Variants in TMCO4 observed in about 807,000 individuals in gnomAD.
TMCO4 encodes the protein transmembrane and coiled-coil domains 4.
A neutral mutation model predicts 64.7 loss-of-function variants in TMCO4; 58 were observed. The ratio of observed to expected loss-of-function variants is 0.90; its 90% confidence interval spans 0.73 to 1.12. TMCO4 has a LOEUF of 1.12. Ranked by LOEUF, TMCO4 falls within the 50% of genes most tolerant of loss-of-function variation. TMCO4 has a pLI of 0.00. For synonymous variants in TMCO4, 325 were observed against 346.1 expected, an observed-to-expected ratio of 0.94 and a Z score of 0.68; for missense variants, 780 against 825.9, an observed-to-expected ratio of 0.94 and a Z score of 0.68.
intron 14 of TMCO4, among the ~76,000 whole-genome samples, chr1:19,697,657 T>G (rs183058112): frequency 0.012 from 1,728 of 140,502 alleles, 16 homozygotes; most frequent in Non-Finnish European, 0.02. Flanking sequence ...GGAGTGCAGT[T>G]GCATGATCTT....
intron 6 of TMCO4, among the ~76,000 whole-genome samples, chr1:19,766,308 C>T (rs946074192): frequency 2.3e-4 from 35 of 152,332 alleles, no homozygotes; most frequent in African/African-American, 7.7e-4. Flanking sequence ...GGCCCATCCA[C>T]GACACCAACC....
chr1:19,728,467 T>A (rs1332208539), intron 13 of TMCO4, among the ~76,000 whole-genome samples: 1 of 152,216 alleles, frequency 6.6e-6, no homozygotes, highest in African/African-American at 2.4e-5. Flanking sequence ...GTCATTCCCA[T>A]TTACAGGCAG....
At chr1:19,746,298 C>T (rs113565438) in intron 9 of TMCO4, among the ~76,000 whole-genome samples, 158 bp downstream of exon 9, 14 of 152,326 alleles carry the variant, frequency 9.2e-5, no homozygotes, top group African/African-American at 7.2e-5. Context: ...CCCTGACCCA[C>T]GCGAGCTCTG....
chr1:19,735,993 C>T (rs553431555), intron 13 of TMCO4, among the ~76,000 whole-genome samples: 8 of 152,254 alleles, frequency 5.3e-5, no homozygotes, highest in African/African-American at 1.4e-4. Context: ...GCCAGATACA[C>T]GAATGAGGTC....
intron 3 of TMCO4, among the ~76,000 whole-genome samples, chr1:19,781,166 A>C (rs1052069012): frequency 1.3e-5 from 2 of 151,556 alleles, no homozygotes; most frequent in Non-Finnish European, 2.9e-5. Flanking sequence ...AAAAAAAAAA[A>C]AGATATTCCT....
intron 1 of TMCO4, chr1:19,799,031 G>A (rs973487451): frequency 6.7e-6 from 1 of 150,082 alleles, no homozygotes; most frequent in South Asian, 2.1e-4. Context: ...TGCAACCCCA[G>A]GGAAGGGCCA....
rs1048098053 is a variant in TMCO4 at position 19,734,358 on chromosome 1, A to G, written c.1264+3014T>C. ...GTTGCTGCCGTGTGAGTGTGTGCAG[A>G]TGCGTGTATGAATGTGTGCAGGTGT... On this transcript the variant is annotated intron_variant, in intron 13 of 15. Transcript: ENST00000294543. The surrounding 1 kb of genome is among the most constrained non-coding windows in gnomAD (Gnocchi z 4.4). 5.3e-5 allele frequency among the ~76,000 whole-genome samples: 8 copies of G among 152,072 alleles called. No homozygotes were observed. The highest frequency in any genetic ancestry group is 5.9e-5 in the Non-Finnish European group (4 of 68,012).
At chr1:19,715,597 T>G (rs1371105382) in intron 13 of TMCO4, among the ~76,000 whole-genome samples, 1 of 152,174 alleles carries the variant, frequency 6.6e-6, no homozygotes, top group Admixed American at 6.5e-5. Flanking sequence ...ACATGAAAAT[T>G]TCTCAGGATA....
rs1227829625 is a variant in TMCO4 at position 19,722,349 on chromosome 1, A to G, written c.1264+15023T>C. On this transcript the variant is annotated intron_variant, in intron 13 of 15. Coordinates refer to ENST00000294543, the MANE Select transcript of TMCO4 (RefSeq NM_181719.7). ...TGTTAAGTGCCCTTTACAGGAGTCAATGCTCTCAAGGCTGCAAGCCACCTA... is the reference window on the plus strand; with the variant it reads ...TGTTAAGTGCCCTTTACAGGAGTCAGTGCTCTCAAGGCTGCAAGCCACCTA... Among the ~76,000 whole-genome samples the G allele has an allele frequency of 3.3e-5, 5 of 152,216 alleles. No individual in the cohort carries two copies. The South Asian group carries it at 6.2e-4, about 19-fold the overall frequency.
intron 15 of TMCO4, among the ~76,000 whole-genome samples, chr1:19,685,981 C>T (rs923841993): frequency 3.3e-5 from 5 of 152,124 alleles, no homozygotes; most frequent in Admixed American, 2.6e-4. Context: ...CCCACCTCGG[C>T]CTCCCAAAGT....
At chr1:19,723,653 T>G (rs1386492278) in intron 13 of TMCO4, among the ~76,000 whole-genome samples, 2 of 152,250 alleles carry the variant, frequency 1.3e-5, no homozygotes, top group East Asian at 3.8e-4. Context: ...ACACCAATCA[T>G]CACTGCGTTT....
rs555674926 is a variant in TMCO4, at chr1:19,723,277, G to A, written c.1264+14095C>T. ...AAGTTTTGGAATCTGGAGCATTTTG[G>A]ATTTTGAATTTTTGGATTTGGGATG... On this transcript the variant is annotated intron_variant, in intron 13 of 15. Transcript: ENST00000294543. Among the ~76,000 whole-genome samples the A allele has an allele frequency of 8.5e-4, 129 of 152,288 alleles. 1 individual carries two copies. The highest frequency in any genetic ancestry group is 3.0e-3 in the African/African-American group (125 of 41,554).
In TMCO4 at chr1:19,745,568, T is replaced by C. The variant is rs1557554553; in HGVS notation, c.841A>G (p.Ile281Val). The C allele has an allele frequency of 6.2e-7, 1 of 1,614,080 alleles. No individual in the cohort carries two copies. The highest frequency in any genetic ancestry group is 2.2e-5 in the East Asian group (1 of 44,858). Reference sequence around the variant, plus strand: ...GAAGCGAGCCACCCCGTGACGGCGATGGTGATGTGCAGCTGCCTGCCCTCC... The same window carrying C: ...GAAGCGAGCCACCCCGTGACGGCGACGGTGATGTGCAGCTGCCTGCCCTCC... ...LTEGRQLHIT[I>V]AVTGWLASGK... Residue 281 changes from isoleucine (I) to valine (V), a missense_variant, in exon 10 of 16, where the codon ATC becomes GTC. Ile to Val is a conservative substitution (Grantham distance 29). Transcript: ENST00000294543.
At position 19,740,949 on chromosome 1, in the gene TMCO4, G is replaced by T; in HGVS notation, c.878-8C>A. The T allele has an allele frequency of 6.3e-7, 1 of 1,592,480 alleles. No homozygotes were observed. The highest frequency in any genetic ancestry group is 1.1e-5 in the South Asian group (1 of 88,364). On this transcript the variant is annotated splice_polypyrimidine_tract_variant and splice_region_variant and intron_variant, in intron 10 of 15. Coordinates refer to ENST00000294543, the MANE Select transcript of TMCO4 (RefSeq NM_181719.7). ...ACGGGGCACTGAAGGTGCCTGGGGA[G>T]ATCACAGGTAGGTGAAGTCTCTCTT...
chr1:19,688,873 C>T (rs1364507660), intron 15 of TMCO4, among the ~76,000 whole-genome samples: 12 of 152,330 alleles, frequency 7.9e-5, no homozygotes, highest in Admixed American at 7.2e-4. Context: ...GGCATTTCTG[C>T]TGGGACATGG....
chr1:19,793,818 T>C (rs1362837818), intron 2 of TMCO4, among the ~76,000 whole-genome samples: 1 of 152,192 alleles, frequency 6.6e-6, no homozygotes, highest in African/African-American at 2.4e-5. Context: ...TTCCTTCTCC[T>C]GCCTGCTATT....
chr1:19,728,155 C>A (rs944836649), intron 13 of TMCO4, among the ~76,000 whole-genome samples: 1 of 152,156 alleles, frequency 6.6e-6, no homozygotes, highest in Non-Finnish European at 1.5e-5. Context: ...ACTCCAGTAA[C>A]ATGAGTTTAC....
rs770798881 is a variant in TMCO4, at chr1:19,682,475, T to C, written c.*565A>G. The C allele has an allele frequency of 8.3e-5, 53 of 635,164 alleles. 1 individual carries two copies. Among genetic ancestry groups the C allele is most frequent in the Admixed American group, 2.2e-4 (9 of 41,364 alleles). 39.3% of individuals were successfully genotyped at this position (635,164 alleles called of 1,614,324 possible). ...GGAGTTATGCAGCGCACAGCCTACA[T>C]GGCTGTACAGGGCAGATCTGATTGG... On this transcript the variant is annotated 3_prime_UTR_variant, in exon 16 of 16. Coordinates refer to ENST00000294543, the MANE Select transcript of TMCO4 (RefSeq NM_181719.7).
intron 13 of TMCO4, among the ~76,000 whole-genome samples, chr1:19,718,843 A>C (rs1377688474): frequency 6.6e-6 from 1 of 152,072 alleles, no homozygotes; most frequent in East Asian, 1.9e-4. Flanking sequence ...TCTCCACCAA[A>C]TTTCTGCCGA....
Sources: gnomAD v4.1 joint callset for allele counts (sites outside exome capture counted in the v4.1 genomes callset) on GRCh38, gnomAD v4.1.1 for gene constraint, Gnocchi (gnomAD v3.1) non-coding constraint, MANE v1.5 for transcripts, NCBI Gene and HGNC (gene_info 2026-07-23, HGNC 2026-07-21) for gene names.